The following SNX29 variants were observed in gnomAD, a reference collection of about 807,000 sequenced individuals.
SNX29 encodes sorting nexin-29.
In SNX29, 78 loss-of-function variants were observed where a neutral mutation model predicts 102.1. The observed-to-expected ratio is 0.76, with a 90% CI of 0.64 to 0.92. The LOEUF (loss-of-function observed/expected upper bound fraction) is 0.92. Among genes scored for constraint, SNX29 ranks in the 40% least tolerant of loss-of-function variants. The pLI is 0.00. For synonymous variants in SNX29, 580 were observed against 414.5 expected, an observed-to-expected ratio of 1.40 and a Z score of -4.85; for missense variants, 1,280 against 1,061.7, an observed-to-expected ratio of 1.21 and a Z score of -2.86.
At chr16:12,169,107 G>A (rs915665581) in intron 13 of SNX29, among the ~76,000 whole-genome samples, 11 of 152,194 alleles carry the variant, frequency 7.2e-5, no homozygotes, top group African/African-American at 1.7e-4. Flanking sequence ...TAACATTGTC[G>A]GGATAGCTGC....
intron 20 of SNX29, among the ~76,000 whole-genome samples, chr16:12,567,881 TC>T: frequency 6.6e-6 from 1 of 152,128 alleles, no homozygotes; most frequent in South Asian, 2.1e-4. Flanking sequence ...GCCGAGGGCC[TC>T]CCACACAACC....
intron 15 of SNX29, among the ~76,000 whole-genome samples, chr16:12,321,254 C>T (rs1197298201): frequency 2.0e-5 from 3 of 152,202 alleles, no homozygotes; most frequent in African/African-American, 7.2e-5. Context: ...GGACCAAAGC[C>T]ACCTTGTCTT....
chr16:12,103,687 C>A (rs1001990612), intron 11 of SNX29, among the ~76,000 whole-genome samples: 1 of 152,160 alleles, frequency 6.6e-6, no homozygotes, highest in Non-Finnish European at 1.5e-5. Flanking sequence ...CCAAAATTGA[C>A]AAATGGGATC....
rs547002728 is a variant in SNX29 at position 12,402,814 on chromosome 16, G to A, written c.1956-634G>A. On this transcript the variant is annotated intron_variant, in intron 17 of 20. Coordinates refer to ENST00000566228, the MANE Select transcript of SNX29 (RefSeq NM_032167.5). ...TGGACCCATATACACAGTGTTTTTG[G>A]AAAAGCTGAAAGAGAGGTATTTGTA... 7.2e-5 allele frequency among the ~76,000 whole-genome samples: 11 copies of A among 152,242 alleles called. No homozygotes were observed. The South Asian group carries it at 2.3e-3, about 32-fold the overall frequency.
intron 19 of SNX29, among the ~76,000 whole-genome samples, chr16:12,478,339 T>TAG (rs1321391748): frequency 2.6e-5 from 4 of 152,374 alleles, no homozygotes; most frequent in African/African-American, 9.6e-5. Context: ...TTTTCATCCG[T>TAG]AGTTGTCATG....
chr16:12,464,039 C>A (rs1054196332), intron 18 of SNX29, among the ~76,000 whole-genome samples: 10 of 152,044 alleles, frequency 6.6e-5, no homozygotes, highest in African/African-American at 2.4e-4. Context: ...CCCTGGCAAC[C>A]CCCGTCTGTT....
At position 12,278,003 on chromosome 16, in the gene SNX29, A is replaced by C. The variant is rs754144241; in HGVS notation, c.1749A>C (p.Glu583Asp). Residue 583 changes from glutamate (E) to aspartate (D), a missense_variant, in exon 15 of 21, where the codon GAA becomes GAC. Glu to Asp is a conservative substitution (Grantham distance 45, BLOSUM62 2). Transcript: ENST00000566228. Reference sequence around the variant, plus strand: ...AGAAGCCGGGAGAAATTGCTGAAGAACTCGCAAGCTCCTACGAAAGAAAGC... The same window carrying C: ...AGAAGCCGGGAGAAATTGCTGAAGACCTCGCAAGCTCCTACGAAAGAAAGC... ...AEQKPGEIAE[E>D]LASSYERKLI... The C allele has an allele frequency of 4.4e-6, 7 of 1,606,138 alleles. No homozygotes were observed. The East Asian group carries it at 1.3e-4, about 31-fold the overall frequency.
intron 15 of SNX29, among the ~76,000 whole-genome samples, chr16:12,289,334 G>A (rs1221192350): frequency 2.0e-5 from 3 of 152,174 alleles, no homozygotes; most frequent in Non-Finnish European, 4.4e-5. Flanking sequence ...TGGCCTCTCA[G>A]TTACTGTTTG....
chr16:12,345,960 C>T (rs539220870), intron 15 of SNX29, among the ~76,000 whole-genome samples: 2 of 152,136 alleles, frequency 1.3e-5, no homozygotes, highest in African/African-American at 4.8e-5. Flanking sequence ...CACACAGTCC[C>T]GTCAGCTTCA....
intron 1 of SNX29, among the ~76,000 whole-genome samples, chr16:11,994,689 G>T (rs774213438): frequency 5.9e-5 from 9 of 152,182 alleles, no homozygotes; most frequent in Non-Finnish European, 8.8e-5. Flanking sequence ...TCGGTAGGTG[G>T]GCACATTGTT....
chr16:12,002,024 T>TG (rs1239573161), intron 2 of SNX29, among the ~76,000 whole-genome samples: 1 of 151,618 alleles, frequency 6.6e-6, no homozygotes, highest in Non-Finnish European at 1.5e-5. Flanking sequence ...TATTTTTTTT[T>TG]TTTTTAAAGA....
intron 19 of SNX29, among the ~76,000 whole-genome samples, chr16:12,510,952 C>T (rs2151917429): frequency 6.6e-6 from 1 of 152,108 alleles, no homozygotes; most frequent in East Asian, 2.0e-4. Flanking sequence ...CCATATCCAG[C>T]CCTTCTTGAG....
chr16:12,310,992 TGATGA>T (rs1237896995), intron 15 of SNX29, among the ~76,000 whole-genome samples: 4 of 152,140 alleles, frequency 2.6e-5, no homozygotes, highest in Non-Finnish European at 5.9e-5. Flanking sequence ...AGGAGGTAAG[TGATGA>T]GATGGGGCTT....
At chr16:12,225,483 T>A (rs911616555) in intron 14 of SNX29, among the ~76,000 whole-genome samples, 3 of 152,208 alleles carry the variant, frequency 2.0e-5, no homozygotes, top group African/African-American at 7.2e-5. Flanking sequence ...AAGCTCTCTC[T>A]CTTTGATGTC....
chr16:12,364,807 C>T (rs956844210), intron 16 of SNX29, among the ~76,000 whole-genome samples: 32 of 152,150 alleles, frequency 2.1e-4, no homozygotes, highest in African/African-American at 6.8e-4. Flanking sequence ...GATGGCCTGG[C>T]TTGGTAAGAC....
intron 18 of SNX29, among the ~76,000 whole-genome samples, chr16:12,459,779 G>C (rs1012460031): frequency 6.6e-6 from 1 of 152,180 alleles, no homozygotes; most frequent in Non-Finnish European, 1.5e-5. Context: ...CCCCTCAGGA[G>C]GCCCAGCAGT....
chr16:12,529,808 C>T (rs770529769), intron 20 of SNX29, among the ~76,000 whole-genome samples: 15 of 152,200 alleles, frequency 9.9e-5, no homozygotes, highest in Non-Finnish European at 1.9e-4. Context: ...CTGACCTGTG[C>T]ACTGCCAGGG....
In SNX29 at chr16:12,499,303, ATAAT is replaced by A. The variant is rs559435322; in HGVS notation, c.2178+21446_2178+21449del. On this transcript the variant is annotated intron_variant, in intron 19 of 20. Coordinates refer to ENST00000566228, the MANE Select transcript of SNX29 (RefSeq NM_032167.5). ...TGCCCCCAATGCACTGATTTTGGAA[ATAAT>A]TGAACATCACTGTTTTTTGTTTGTG... Among the ~76,000 whole-genome samples, 31 of 152,354 alleles carry A rather than the reference ATAAT, an allele frequency of 2.0e-4. No individual in the cohort carries two copies. In the East Asian group the frequency reaches 5.8e-3, roughly 28 times the overall value.
chr16:12,337,327 A>G (rs2081481176), intron 15 of SNX29, among the ~76,000 whole-genome samples: 1 of 151,966 alleles, frequency 6.6e-6, no homozygotes, highest in African/African-American at 2.4e-5. Flanking sequence ...TAAGGTATGC[A>G]ATGCGATGGG....
Sources: allele counts gnomAD v4.1 joint callset (sites outside exome capture counted in the v4.1 genomes callset), GRCh38; gene constraint gnomAD v4.1.1; transcripts MANE v1.5; gene names NCBI Gene and HGNC (gene_info 2026-07-23, HGNC 2026-07-21).